The following SUMO2 variants were observed in gnomAD, a reference collection of about 807,000 sequenced individuals.
The protein encoded by SUMO2 is small ubiquitin like modifier 2.
In SUMO2, 1 loss-of-function variant was observed where a neutral mutation model predicts 16.0. The ratio of observed to expected loss-of-function variants is 0.06; its 90% CI spans 0.02 to 0.30. The LOEUF (loss-of-function observed/expected upper bound fraction) is 0.30, where lower values mean the gene tolerates loss of function less well. Ranked by LOEUF, SUMO2 falls within the 10% of genes least tolerant of loss-of-function variation. The probability of loss-of-function intolerance (pLI) is 1.00; values close to 1 mark genes in which losing one functional copy is unlikely to be tolerated. For missense variants in SUMO2, 16 were observed against 117.5 expected, an observed-to-expected ratio of 0.14 and a Z score of 3.99; for synonymous variants, 36 against 40.6, an observed-to-expected ratio of 0.89 and a Z score of 0.43.
intron 2 of SUMO2, among the ~76,000 whole-genome samples, chr17:75,177,468 C>T (rs2074791492): frequency 6.6e-6 from 1 of 152,018 alleles, no homozygotes; most frequent in African/African-American, 2.4e-5. Flanking sequence ...TACCTGAGGT[C>T]AGGAGTTTCA....
intron 3 of SUMO2, among the ~76,000 whole-genome samples, chr17:75,169,974 G>T (rs571211298): frequency 2.0e-5 from 3 of 151,692 alleles, no homozygotes; most frequent in African/African-American, 7.3e-5. Context: ...GGCCAAAATG[G>T]TGAAACCCAG....
rs2074825345 is a variant in SUMO2 at position 75,181,093 on chromosome 17, T to A, written c.117A>T (p.Pro39=). The change falls in exon 2 of 4, where the codon CCA becomes CCT. Residue 39 remains proline (P), a synonymous_variant. Transcript: ENST00000420826. ...VVQFKIKRHT[P]LSKLMKAYCE... ...AATAGGCTTTCATTAGTTTACTAAG[T>A]GGTGTATGCCTCTTAATCTTAAACT... The A allele has an allele frequency of 6.2e-7, 1 of 1,614,068 alleles. No homozygotes were observed.
chr17:75,177,280 T>C (rs2074790192), intron 2 of SUMO2, among the ~76,000 whole-genome samples: 1 of 151,802 alleles, frequency 6.6e-6, no homozygotes, highest in Non-Finnish European at 1.5e-5. Context: ...GGCAGGAGAA[T>C]TGCTTGAACC....
Position 75,167,926 on chromosome 17 carries a change from A to T in SUMO2, c.*413T>A, listed in dbSNP as rs1396171975. 8 of 161,392 alleles carry T rather than the reference A, an allele frequency of 5.0e-5. No individual in the cohort carries two copies. Among genetic ancestry groups the T allele is most frequent in the Non-Finnish European group, 1.1e-4 (8 of 70,180 alleles). The allele number at this position is 161,392 out of a possible 1,614,324, so 10.0% of individuals were successfully genotyped here. On this transcript the variant is annotated 3_prime_UTR_variant, in exon 4 of 4. Transcript: ENST00000420826. The stretch of plus-strand genomic sequence containing the variant: ...AAATGAAAAACATTAAAATTCTCCA[A>T]TTGAACAAGGTATGCAAGGATTTTT...
chr17:75,182,592 A>C, intron 1 of SUMO2: 3 of 304,782 alleles, frequency 9.8e-6, no homozygotes, highest in Non-Finnish European at 5.8e-6. Context: ...GCGCACTCGG[A>C]GGCCGCCGGG....
intron 1 of SUMO2, among the ~76,000 whole-genome samples, chr17:75,181,465 G>A (rs781167490): frequency 2.0e-5 from 3 of 152,100 alleles, no homozygotes; most frequent in Non-Finnish European, 4.4e-5. Context: ...GTATTGCAAC[G>A]TTCTCTTGAA....
intron 2 of SUMO2, among the ~76,000 whole-genome samples, chr17:75,177,681 TAAA>T (rs199509595): frequency 1.4e-5 from 2 of 138,880 alleles, no homozygotes; most frequent in Admixed American, 1.4e-4. Flanking sequence ...AACTCCATCT[TAAA>T]AAAAAAAAAG....
chr17:75,168,458 AT>A, intron 3 of SUMO2, 57 bp from the exon 4 acceptor site: 2 of 1,503,032 alleles, frequency 1.3e-6, no homozygotes, highest in Non-Finnish European at 1.8e-6. Flanking sequence ...AAAATTAATG[AT>A]TTTTGGGTTT....
chr17:75,172,689 G>A (rs912896150), intron 3 of SUMO2, among the ~76,000 whole-genome samples: 1 of 151,836 alleles, frequency 6.6e-6, no homozygotes, highest in Non-Finnish European at 1.5e-5. Context: ...TGGTCGGAGT[G>A]GTCTCAAACT....
intron 1 of SUMO2, 84 bp downstream of exon 1, chr17:75,182,730 G>T: frequency 8.5e-7 from 1 of 1,172,554 alleles, no homozygotes; most frequent in Admixed American, 4.4e-5. Context: ...AGCGCTGGGA[G>T]CCAGCGGCGG....
chr17:75,180,310 TCAAAAA>T (rs1237309605), intron 2 of SUMO2, among the ~76,000 whole-genome samples: 3 of 126,338 alleles, frequency 2.4e-5, no homozygotes, highest in Non-Finnish European at 3.3e-5. Flanking sequence ...CAAGACTCCA[TCAAAAA>T]CAAAAACAAA....
At chr17:75,178,002 A>AAAG (rs1221527781) in intron 2 of SUMO2, among the ~76,000 whole-genome samples, 5 of 150,414 alleles carry the variant, frequency 3.3e-5, no homozygotes, top group Non-Finnish European at 7.4e-5. Context: ...AAAAAAAAAA[A>AAAG]AAAAAAAAAG....
intron 3 of SUMO2, among the ~76,000 whole-genome samples, chr17:75,168,607 C>CT (rs1005416370): frequency 6.6e-6 from 1 of 151,150 alleles, no homozygotes; most frequent in Non-Finnish European, 1.5e-5. Flanking sequence ...TTAGATAAAA[C>CT]TTTTTTGTTT....
intron 2 of SUMO2, among the ~76,000 whole-genome samples, chr17:75,176,276 G>A (rs1438650028): frequency 1.3e-5 from 2 of 152,000 alleles, no homozygotes; most frequent in East Asian, 3.9e-4. Flanking sequence ...CTGACCTCGT[G>A]ATCCGCCTGG....
At chr17:75,170,138 T>C (rs1420109644) in intron 3 of SUMO2, among the ~76,000 whole-genome samples, 3 of 149,180 alleles carry the variant, frequency 2.0e-5, no homozygotes, top group Non-Finnish European at 4.5e-5. Flanking sequence ...GATCATGCCA[T>C]TGCATGTGAC....
At chr17:75,169,774 A>T (rs1311977566) in intron 3 of SUMO2, among the ~76,000 whole-genome samples, 1 of 146,340 alleles carries the variant, frequency 6.8e-6, no homozygotes, top group Non-Finnish European at 1.5e-5. Context: ...GCTTGAACCC[A>T]GGAAGCAGAG....
Position 75,166,352 on chromosome 17 carries a change from G to GT in SUMO2, c.*1986dup, listed in dbSNP as rs1359221496. The GT allele has an allele frequency of 3.9e-5, 6 of 152,162 alleles. No individual in the cohort carries two copies. Among genetic ancestry groups the GT allele is most frequent in the African/African-American group, 1.4e-4 (6 of 41,398 alleles). The allele number at this position is 152,162 out of a possible 1,614,324, so 9.4% of individuals were successfully genotyped here. A position where few individuals can be genotyped will look rare whatever the true frequency, so the allele number is the denominator to read the frequency against. ...TAGCCAGGTATGATGGTAGATGCTT[G>GT]TAATCCCAGCTTTTCCGGAGGCTGA... is the stretch of plus-strand genomic sequence containing the variant. On this transcript the variant is annotated 3_prime_UTR_variant, in exon 4 of 4. Transcript: ENST00000420826.
chr17:75,172,564 C>A (rs1049991680), intron 3 of SUMO2, among the ~76,000 whole-genome samples: 2 of 151,240 alleles, frequency 1.3e-5, no homozygotes, highest in African/African-American at 4.9e-5. Flanking sequence ...TCACTGCAAC[C>A]TCTGCCTCCT....
At chr17:75,180,078 T>C (rs1373841120) in intron 2 of SUMO2, among the ~76,000 whole-genome samples, 7 of 152,140 alleles carry the variant, frequency 4.6e-5, no homozygotes, top group Admixed American at 4.6e-4. Context: ...CAGTGGCCCA[T>C]GCTTGTAATC....
Sources: gnomAD v4.1 joint callset for allele counts (sites outside exome capture counted in the v4.1 genomes callset) on GRCh38, gnomAD v4.1.1 for gene constraint, MANE v1.5 for transcripts, NCBI Gene and HGNC (gene_info 2026-07-23, HGNC 2026-07-21) for gene names.